ARSG: variants seen among roughly 807,000 people sequenced by gnomAD.
The protein encoded by ARSG is ASG.
A neutral mutation model predicts 50.5 loss-of-function variants in ARSG; 37 were observed. That is an observed-to-expected ratio of 0.73 (90% CI 0.56 to 0.96). The LOEUF (loss-of-function observed/expected upper bound fraction) is 0.96, where lower values mean the gene tolerates loss of function less well. Ranked by LOEUF, ARSG falls within the 50% of genes least tolerant of loss-of-function variation. The pLI, the probability that ARSG is intolerant of heterozygous loss-of-function variation, is 0.00. For missense variants in ARSG, 629 were observed against 675.3 expected, an observed-to-expected ratio of 0.93 and a Z score of 0.76; for synonymous variants, 225 against 254.6, an observed-to-expected ratio of 0.88 and a Z score of 1.11.
At position 68,395,182 on chromosome 17, in the gene ARSG, C is replaced by G. The variant is rs780131570; in HGVS notation, c.1201C>G (p.Pro401Ala). 1 of 1,613,978 alleles carries G rather than the reference C, an allele frequency of 6.2e-7. No individual in the cohort carries two copies. The highest frequency in any genetic ancestry group is 8.5e-7 in the Non-Finnish European group (1 of 1,179,892). ...CGAGGTGCTCTTTGGCCGGTCACAGCCTGGGCACAGGGTAAGTGGAGGAGG... is the reference window on the plus strand; with the variant it reads ...CGAGGTGCTCTTTGGCCGGTCACAGGCTGGGCACAGGGTAAGTGGAGGAGG... ...VSEVLFGRSQ[P>A]GHRVLFHPNS... is the part of the protein sequence containing the mutation. Residue 401 changes from proline to alanine, a missense_variant, in exon 10 of 12, where the codon CCT (proline) becomes GCT (alanine). Transcript: ENST00000621439.
chr17:68,448,632 T>A, the ARSG span, among the ~76,000 whole-genome samples: 1 of 152,174 alleles, frequency 6.6e-6, no homozygotes, highest in Non-Finnish European at 1.5e-5. Context: ...AGAGAAATCA[T>A]ACAAGCAAAT....
chr17:68,390,346 A>C (rs1397254359), intron 9 of ARSG, among the ~76,000 whole-genome samples: 1 of 152,116 alleles, frequency 6.6e-6, no homozygotes, highest in Non-Finnish European at 1.5e-5. Context: ...TCCTACGAAC[A>C]ACCTTCAGAG....
intron 5 of ARSG, among the ~76,000 whole-genome samples, chr17:68,352,879 T>A (rs549557551): frequency 1.3e-5 from 2 of 152,038 alleles, no homozygotes; most frequent in Non-Finnish European, 2.9e-5. Context: ...CTGAGATGCA[T>A]TTATGATCAC....
downstream of ARSG, chr17:68,421,514 T>C (rs111908872): frequency 1.6e-3 from 827 of 503,854 alleles, 6 homozygotes; most frequent in African/African-American, 0.014. Flanking sequence ...ACCAATATGG[T>C]TAATTAGCAT....
In ARSG at chr17:68,271,476, A is replaced by T. The variant is rs1555748701; in HGVS notation, c.-552+12050A>T. 1 of 1,614,004 alleles carries T rather than the reference A, an allele frequency of 6.2e-7. No individual in the cohort carries two copies. The highest frequency in any genetic ancestry group is 8.5e-7 in the Non-Finnish European group (1 of 1,180,006). On this transcript the variant is annotated intron_variant, in intron 1 of 11. Coordinates refer to the ARSG transcript ENST00000448504. The surrounding 1 kb of genome is among the most constrained non-coding windows in gnomAD (Gnocchi z 5.3). ...AGTCTATTGAGGTTCGTGTTTTCTC[A>T]TTTTCAAGCATATACTGCGCTTCTT...
At chr17:68,435,543 T>C in the ARSG span, 14 of 1,400,130 alleles carry the variant, frequency 1.0e-5, no homozygotes, top group Admixed American at 2.4e-4. Context: ...TCACCAGGTT[T>C]GTTCAATCCC....
intron 10 of ARSG, among the ~76,000 whole-genome samples, chr17:68,400,767 T>C (rs1177612309): frequency 6.6e-6 from 1 of 152,218 alleles, no homozygotes; most frequent in Non-Finnish European, 1.5e-5. Flanking sequence ...TTGTGGACTT[T>C]GCAAATTACA....
At chr17:68,380,120 G>A (rs2080359120) in intron 8 of ARSG, among the ~76,000 whole-genome samples, 1 of 152,086 alleles carries the variant, frequency 6.6e-6, no homozygotes, top group Non-Finnish European at 1.5e-5. Flanking sequence ...AGCCCTTTAT[G>A]ATGATCCACT....
intron 3 of ARSG, 77 bp downstream of exon 3, chr17:68,343,868 C>G (rs2146260233): frequency 2.1e-6 from 3 of 1,402,870 alleles, no homozygotes; most frequent in Non-Finnish European, 2.9e-6. Context: ...CCAACATACT[C>G]CCTGTCTGCT....
the ARSG span, among the ~76,000 whole-genome samples, chr17:68,439,818 A>C: frequency 1.3e-5 from 2 of 152,132 alleles, no homozygotes; most frequent in African/African-American, 4.8e-5. Context: ...CGTGATATAG[A>C]GGTCTTTCCA....
At chr17:68,312,938 A>C (rs2076923716) in intron 2 of ARSG, among the ~76,000 whole-genome samples, 1 of 152,164 alleles carries the variant, frequency 6.6e-6, no homozygotes, top group South Asian at 2.1e-4. Context: ...CTGCTGGAAC[A>C]AATTACTCCA....
At chr17:68,298,846 G>A (rs1955688736) in intron 1 of ARSG, among the ~76,000 whole-genome samples, 1 of 151,896 alleles carries the variant, frequency 6.6e-6, no homozygotes, top group Admixed American at 6.6e-5. Context: ...ATTATCTCAT[G>A]ACCTCATCTA....
At chr17:68,409,558 T>C (rs1330199681) in intron 11 of ARSG, among the ~76,000 whole-genome samples, 11 of 152,120 alleles carry the variant, frequency 7.2e-5, no homozygotes, top group Non-Finnish European at 1.6e-4. Context: ...GGTAGTGTGA[T>C]GCCTCCGGCT....
chr17:68,310,292 AG>A (rs1358382113), intron 2 of ARSG, among the ~76,000 whole-genome samples: 2 of 152,178 alleles, frequency 1.3e-5, no homozygotes, highest in African/African-American at 4.8e-5. Flanking sequence ...AACAGAAGCG[AG>A]GGTGTGGAAC....
In ARSG at chr17:68,333,631, A is replaced by AAATAATAAT. The variant is rs150655015; in HGVS notation, c.219-9937_219-9929dup. Among the ~76,000 whole-genome samples, 1,090 of 142,700 alleles carry AAATAATAAT rather than the reference A, an allele frequency of 7.6e-3. 8 individuals carry two copies. The highest frequency in any genetic ancestry group is 0.015 in the African/African-American group (579 of 38,876). 93.6% of individuals were successfully genotyped at this position (142,700 alleles called of 152,430 possible). A position where few individuals can be genotyped will look rare whatever the true frequency, so the allele number is the denominator to read the frequency against. On this transcript the variant is annotated intron_variant, in intron 2 of 11. Transcript: ENST00000621439. ...CAACAAGGGCAAAACTCTGTCTCAA[A>AAATAATAAT]AATAATAATAATAATAATAATAATA...
At chr17:68,287,003 G>A (rs1311910626), upstream of ARSG, among the ~76,000 whole-genome samples, 2 of 152,002 alleles carry the variant, frequency 1.3e-5, no homozygotes, top group Admixed American at 1.3e-4. Context: ...TGTTTTTGGA[G>A]ATGGAGTTTC....
At chr17:68,365,566 G>A (rs2079508617) in intron 6 of ARSG, among the ~76,000 whole-genome samples, 1 of 152,166 alleles carries the variant, frequency 6.6e-6, no homozygotes, top group Admixed American at 6.5e-5. Context: ...CTGGCTCAGG[G>A]TGCTAATGTG....
At chr17:68,312,026 C>T (rs782294525) in intron 2 of ARSG, among the ~76,000 whole-genome samples, 9 of 152,106 alleles carry the variant, frequency 5.9e-5, no homozygotes, top group African/African-American at 2.2e-4. Context: ...TCTCGAACCC[C>T]TGACCTCAAG....
In ARSG at chr17:68,381,463, A is replaced by G. The variant is rs1355674142; in HGVS notation, c.983-3601A>G. 6.6e-6 allele frequency among the ~76,000 whole-genome samples: 1 copy of G among 152,168 alleles called. No individual in the cohort carries two copies. Among genetic ancestry groups the G allele is most frequent in the Non-Finnish European group, 1.5e-5 (1 of 68,024 alleles). On this transcript the variant is annotated intron_variant, in intron 8 of 11. Transcript: ENST00000621439. This position sits in a 1 kb window ranked among gnomAD's most constrained non-coding sequence, Gnocchi z 4.1. ...AGGCAACTAACAGTTTTAATGTGCCAGTGCCTGATCAAAGTATGGAGGCTT... is the reference window on the plus strand; with the variant it reads ...AGGCAACTAACAGTTTTAATGTGCCGGTGCCTGATCAAAGTATGGAGGCTT...
Sources: gnomAD v4.1 joint callset for allele counts (sites outside exome capture counted in the v4.1 genomes callset) on GRCh38, gnomAD v4.1.1 for gene constraint, Gnocchi (gnomAD v3.1) non-coding constraint, MANE v1.5 for transcripts, NCBI Gene and HGNC (gene_info 2026-07-23, HGNC 2026-07-21) for gene names.